Variants in BEND2 observed in about 807,000 individuals in gnomAD.
The protein encoded by BEND2 is BEN domain-containing protein 2.
Under a neutral mutation model 43.8 loss-of-function variants are expected in BEND2, and 19 were observed. The observed-to-expected ratio is 0.43, with a 90% CI of 0.30 to 0.64. The LOEUF is 0.64. Among genes scored for constraint, BEND2 ranks in the 30% least tolerant of loss-of-function variants. The probability of loss-of-function intolerance (pLI) is 0.11; values close to 1 mark genes in which losing one functional copy is unlikely to be tolerated. For missense variants in BEND2, 544 were observed against 574.0 expected (o/e 0.95, Z 0.53); for synonymous variants, 226 against 210.1 (o/e 1.08, Z -0.66).
intron 11 of BEND2, among the ~76,000 whole-genome samples, chrX:18,175,137 A>G (rs1211993873): frequency 8.9e-6 from 1 of 112,092 alleles, no homozygotes; most frequent in Non-Finnish European, 1.9e-5. Context: ...TTTGAAGGCT[A>G]TAAAACGGAA....
At chrX:18,173,045 T>C (rs1924024150) in intron 12 of BEND2, among the ~76,000 whole-genome samples, 1 of 111,436 alleles carries the variant, frequency 9.0e-6, no homozygotes, top group South Asian at 3.8e-4. Context: ...GGAGCTTTTT[T>C]CCCCCTCTTA....
chrX:18,215,815 C>G (rs765039425), intron 2 of BEND2, among the ~76,000 whole-genome samples: 39 of 112,126 alleles, frequency 3.5e-4, no homozygotes, highest in African/African-American at 1.3e-3. Context: ...ATCCAATTCT[C>G]TAAGCAAAGG....
At position 18,220,818 on chromosome X, in the gene BEND2, G is replaced by A. The variant is rs1378286596; in HGVS notation, c.-68C>T. 1.4e-5 allele frequency: 15 copies of A among 1,103,071 alleles called. No individual in the cohort carries two copies. Among genetic ancestry groups the A allele is most frequent in the South Asian group, 2.0e-5 (1 of 50,104 alleles). 90.9% of individuals were successfully genotyped at this position (1,103,071 alleles called of 1,213,427 possible). ...CCCGAGACCTGAGGCCTACGTCTGC[G>A]CCGCGGCTCTGAGGTAACTGCTTGG... On this transcript the variant is annotated 5_prime_UTR_variant, in exon 1 of 14. Coordinates refer to ENST00000380033, the MANE Select transcript of BEND2 (RefSeq NM_153346.5).
intron 8 of BEND2, among the ~76,000 whole-genome samples, chrX:18,188,198 G>T (rs1319738813): frequency 2.7e-5 from 3 of 110,926 alleles, no homozygotes; most frequent in Non-Finnish European, 5.7e-5. Context: ...AGAAGCAAAA[G>T]AATTTAAAAT....
chrX:18,174,706 C>A lies in BEND2; in HGVS notation c.1753-448G>T, dbSNP rs186897577. 3.9e-3 allele frequency among the ~76,000 whole-genome samples: 439 copies of A among 111,647 alleles called. 2 individuals carry two copies. The highest frequency in any genetic ancestry group is 0.013 in the African/African-American group (407 of 30,766). On this transcript the variant is annotated intron_variant, in intron 11 of 13. Coordinates refer to ENST00000380033, the MANE Select transcript of BEND2 (RefSeq NM_153346.5). ...TGGTTGTGCTGGGCCCCACCCTAGGCAAATTCAGCCAGAATCTCTGGTGAT... is the reference window on the plus strand; with the variant it reads ...TGGTTGTGCTGGGCCCCACCCTAGGAAAATTCAGCCAGAATCTCTGGTGAT...
At chrX:18,200,111 C>T (rs937048073) in intron 6 of BEND2, among the ~76,000 whole-genome samples, 4 of 111,658 alleles carry the variant, frequency 3.6e-5, no homozygotes, top group African/African-American at 1.3e-4. Context: ...CTCCTAATAT[C>T]CAAAAACTGG....
chrX:18,200,785 G>T (rs143749001), intron 6 of BEND2, among the ~76,000 whole-genome samples: 233 of 111,744 alleles, frequency 2.1e-3, no homozygotes, highest in African/African-American at 7.3e-3. Flanking sequence ...TCATTGCAGT[G>T]ATAGAAACGT....
chrX:18,205,358 G>A (rs1367792438), intron 4 of BEND2, among the ~76,000 whole-genome samples: 1 of 108,723 alleles, frequency 9.2e-6, no homozygotes, highest in African/African-American at 3.3e-5. Flanking sequence ...GAGCTCAGAA[G>A]TTCGAGACCA....
In BEND2 at chrX:18,199,662, C is replaced by T. The variant is rs144175096; in HGVS notation, c.1033+2153G>A. On this transcript the variant is annotated intron_variant, in intron 6 of 13. Coordinates refer to ENST00000380033, the MANE Select transcript of BEND2 (RefSeq NM_153346.5). ...TTTTTTTTTGTTTTTAAAGAGCTACCACTGACTTGCATTCAGGATATTGAT... is the reference window on the plus strand; with the variant it reads ...TTTTTTTTTGTTTTTAAAGAGCTACTACTGACTTGCATTCAGGATATTGAT... Among the ~76,000 whole-genome samples the T allele has an allele frequency of 1.9e-3, 206 of 110,091 alleles. 3 individuals are homozygous for T. The highest frequency in any genetic ancestry group is 9.5e-4 in the Non-Finnish European group (50 of 52,773).
chrX:18,176,706 C>A (rs1832526333), intron 10 of BEND2, among the ~76,000 whole-genome samples: 1 of 110,734 alleles, frequency 9.0e-6, no homozygotes, highest in Non-Finnish European at 1.9e-5. Context: ...AGTGTGTAAC[C>A]CAATGTTGAC....
In BEND2 at chrX:18,220,885, A is replaced by G. The variant is rs901814522; in HGVS notation, c.-135T>C. 77 of 725,585 alleles carry G rather than the reference A, an allele frequency of 1.1e-4. No individual in the cohort carries two copies. Among genetic ancestry groups the G allele is most frequent in the African/African-American group, 8.1e-4 (37 of 45,725 alleles). 59.8% of individuals were successfully genotyped at this position (725,585 alleles called of 1,213,427 possible). On this transcript the variant is annotated 5_prime_UTR_variant, in exon 1 of 14. Coordinates refer to ENST00000380033, the MANE Select transcript of BEND2 (RefSeq NM_153346.5). ...GCGTACACTCGTTGTCCGAGGCACA[A>G]TGAGGCCCGGGCAGGAGCCTGGACC...
Position 18,177,636 on chromosome X carries a change from G to A in BEND2, c.1563C>T (p.Ser521=). The part of the protein sequence containing the change: ...RILFSKEILI[S]SSVDIHLKDS... ...CTTTCAAATGGATATCCACTGAGCT[G>A]CTAATCAGGATTTCCTTGGAGAACA... The change falls in exon 10 of 14, where the codon AGC becomes AGT. Residue 521 remains serine, a synonymous_variant. Coordinates refer to ENST00000380033, the MANE Select transcript of BEND2 (RefSeq NM_153346.5). 1 of 1,211,269 alleles carries A rather than the reference G, an allele frequency of 8.3e-7. No individual in the cohort carries two copies. The highest frequency in any genetic ancestry group is 1.8e-5 in the South Asian group (1 of 56,942).
Position 18,165,186 on chromosome X carries a change from C to T in BEND2, c.2223G>A (p.Ser741=), listed in dbSNP as rs775094003. The T allele has an allele frequency of 1.1e-5, 13 of 1,209,596 alleles. No homozygotes were observed. The highest frequency in any genetic ancestry group is 6.5e-5 in the Admixed American group (3 of 45,930). ...ACGACTTCCAGTCTCTTCCATTTTC[C>T]GAGAGATCACAAATTGGGTAGTTTT... ...LQENYPICDL[S]ENGRDWKSCV... Residue 741 remains serine (S), a synonymous_variant, in exon 14 of 14, where the codon TCG becomes TCA. Transcript: ENST00000380033.
intron 4 of BEND2, 149 bp downstream of exon 4, chrX:18,212,416 C>T (rs1342639943): frequency 4.7e-6 from 2 of 421,832 alleles, no homozygotes; most frequent in South Asian, 8.3e-5. Context: ...TCATTATCTT[C>T]ATGGGGTGTA....
intron 8 of BEND2, among the ~76,000 whole-genome samples, chrX:18,184,079 G>T (rs1464257651): frequency 9.0e-6 from 1 of 111,659 alleles, no homozygotes; most frequent in Non-Finnish European, 1.9e-5. Flanking sequence ...GCTGGCTTCA[G>T]GTCTGACCCA....
Position 18,175,958 on chromosome X carries a change from GA to G in BEND2, c.1752+13del. On this transcript the variant is annotated intron_variant, in intron 11 of 13. Transcript: ENST00000380033. ...CAGGTAACAGTTACCATATTTAGAT[GA>G]AAAATAACTTACTGGAGTACTCTTG... The G allele has an allele frequency of 8.5e-7, 1 of 1,173,860 alleles. No individual in the cohort carries two copies. The highest frequency in any genetic ancestry group is 2.0e-5 in the South Asian group (1 of 49,951).
chrX:18,170,928 G>C, intron 13 of BEND2, 73 bp downstream of exon 13: 1 of 1,202,127 alleles, frequency 8.3e-7, no homozygotes, highest in Non-Finnish European at 1.1e-6. Flanking sequence ...AACCTGAATG[G>C]ATTCTTCTTT....
intron 6 of BEND2, among the ~76,000 whole-genome samples, chrX:18,197,086 T>A (rs183020777): frequency 8.9e-6 from 1 of 112,441 alleles, no homozygotes; most frequent in African/African-American, 3.2e-5. Context: ...GGGTAAAGCA[T>A]AAAGGGGATC....
At position 18,195,344 on chromosome X, in the gene BEND2, T is replaced by C. The variant is rs1314398406; in HGVS notation, c.1132A>G (p.Ser378Gly). The change falls in exon 7 of 14, where the codon AGT becomes GGT. Residue 378 changes from serine to glycine, a missense_variant. By Grantham distance (56) the Ser-to-Gly change is moderately conservative. This residue lies in a region of BEND2 where 501 missense variants were observed against 501.6 expected (regional missense o/e 1.00). Transcript: ENST00000380033. ...VYYPALSGNT[S>G]APYPASSYLP... ...TATGAAGAGGCTGGATATGGGGCAC[T>C]CGTATTTCCCGATAAAGCTGGGTAA... 8.3e-7 allele frequency: 1 copy of C among 1,209,576 alleles called. No individual in the cohort carries two copies. The highest frequency in any genetic ancestry group is 3.0e-5 in the East Asian group (1 of 33,797).
Sources: allele counts gnomAD v4.1 joint callset (sites outside exome capture counted in the v4.1 genomes callset), GRCh38; gene constraint gnomAD v4.1.1; regional missense constraint gnomAD v4.1.1; transcripts MANE v1.5; gene names NCBI Gene and HGNC (gene_info 2026-07-23, HGNC 2026-07-21).